The following CRYL1 variants were observed in gnomAD, a reference collection of about 807,000 sequenced individuals.
CRYL1 encodes the protein crystallin lambda 1.
In CRYL1, 29 loss-of-function variants were observed where a neutral mutation model predicts 36.6. That is an observed-to-expected ratio of 0.79 (90% CI 0.59 to 1.08). The LOEUF (loss-of-function observed/expected upper bound fraction) is 1.08, where lower values mean the gene tolerates loss of function less well. Ranked by LOEUF, CRYL1 falls within the 50% of genes least tolerant of loss-of-function variation. The pLI, the probability that CRYL1 is intolerant of heterozygous loss-of-function variation, is 0.00. For synonymous variants in CRYL1, 152 were observed against 151.5 expected, an observed-to-expected ratio of 1.00 and a Z score of -0.02; for missense variants, 411 against 407.9, an observed-to-expected ratio of 1.01 and a Z score of -0.06.
chr13:20,473,548 C>T (rs1263978850), intron 3 of CRYL1, among the ~76,000 whole-genome samples: 8 of 152,162 alleles, frequency 5.3e-5, no homozygotes, highest in African/African-American at 1.9e-4. Context: ...GGATGGCGCT[C>T]CAAAGTAGAG....
intron 3 of CRYL1, among the ~76,000 whole-genome samples, chr13:20,442,090 CAAAGCCAGAGACG>C (rs1196991288): frequency 6.6e-6 from 1 of 152,170 alleles, no homozygotes; most frequent in Non-Finnish European, 1.5e-5. Flanking sequence ...AGCCTTGTAG[CAAAGCCAGAGACG>C]AAGAATGATG....
chr13:20,506,725 T>C (rs963723546), intron 2 of CRYL1, among the ~76,000 whole-genome samples: 6 of 152,168 alleles, frequency 3.9e-5, no homozygotes, highest in Non-Finnish European at 7.4e-5. Context: ...TGGGTTGGAA[T>C]TGGCTTTACA....
At chr13:20,456,529 T>A in intron 3 of CRYL1, among the ~76,000 whole-genome samples, 1 of 149,474 alleles carries the variant, frequency 6.7e-6, no homozygotes, top group African/African-American at 2.5e-5. Context: ...GGCAGGAGGA[T>A]TGCTTGAGCC....
intron 3 of CRYL1, among the ~76,000 whole-genome samples, chr13:20,460,692 A>AT (rs562232366): frequency 2.0e-5 from 3 of 151,490 alleles, no homozygotes; most frequent in Admixed American, 6.6e-5. Flanking sequence ...CGCCCGGCTA[A>AT]TTTTTTGTAT....
In CRYL1 at chr13:20,415,367, C is replaced by A. The variant is rs1301090371; in HGVS notation, c.634-1980G>T. 1.3e-5 allele frequency among the ~76,000 whole-genome samples: 2 copies of A among 152,114 alleles called. No homozygotes were observed. The highest frequency in any genetic ancestry group is 2.9e-5 in the Non-Finnish European group (2 of 67,986). ...GAGAAGCGAGAAAAGGGGTTCGAAA[C>A]CCCCGCCGTGCCCCGCAACCGGCTG... On this transcript the variant is annotated intron_variant, in intron 5 of 7. Coordinates refer to ENST00000298248, the MANE Select transcript of CRYL1 (RefSeq NM_015974.3). This position sits in a 1 kb window ranked among gnomAD's most constrained non-coding sequence, Gnocchi z 4.1.
At position 20,525,458 on chromosome 13, in the gene CRYL1, T is replaced by C. The variant is rs1315056062; in HGVS notation, c.41+296A>G. Among the ~76,000 whole-genome samples, 2 of 151,876 alleles carry C rather than the reference T, an allele frequency of 1.3e-5. No individual in the cohort carries two copies. Among genetic ancestry groups the C allele is most frequent in the Non-Finnish European group, 2.9e-5 (2 of 67,974 alleles). Reference sequence around the variant, plus strand: ...GCAGACGCGGCGACATTCAACAGAGTCCAGGAACCGCAGGCCCCGCGGCCT... The same window carrying C: ...GCAGACGCGGCGACATTCAACAGAGCCCAGGAACCGCAGGCCCCGCGGCCT... On this transcript the variant is annotated intron_variant, in intron 1 of 7. Transcript: ENST00000298248. This position sits in a 1 kb window ranked among gnomAD's most constrained non-coding sequence, Gnocchi z 4.3.
chr13:20,489,522 T>A, intron 2 of CRYL1, 26 bp from the exon 3 acceptor site: 1 of 1,610,828 alleles, frequency 6.2e-7, no homozygotes, highest in Non-Finnish European at 8.5e-7. Context: ...GAAGGATCAC[T>A]GTGAGTATTC....
In CRYL1 at chr13:20,508,569, G is replaced by A. The variant is rs148855448; in HGVS notation, c.149+3874C>T. Among the ~76,000 whole-genome samples, 327 of 151,692 alleles carry A rather than the reference G, an allele frequency of 2.2e-3. 2 individuals are homozygous for A. The highest frequency in any genetic ancestry group is 0.014 in the Middle Eastern group (4 of 294). On this transcript the variant is annotated intron_variant, in intron 2 of 7. Coordinates refer to ENST00000298248, the MANE Select transcript of CRYL1 (RefSeq NM_015974.3). ...ATGCCTTTTAAAAACATTTTGGGCT[G>A]GGTGCAGTGGCTCACGCCTGTAATC...
chr13:20,495,268 A>G (rs1199149854), intron 2 of CRYL1, among the ~76,000 whole-genome samples: 1 of 152,216 alleles, frequency 6.6e-6, no homozygotes, highest in East Asian at 1.9e-4. Flanking sequence ...AGTTAACGTC[A>G]GGTTAGAGGC....
chr13:20,410,258 C>T (rs1593425856), intron 6 of CRYL1, among the ~76,000 whole-genome samples: 1 of 149,236 alleles, frequency 6.7e-6, no homozygotes, highest in African/African-American at 2.5e-5. Flanking sequence ...TGGAAATCAT[C>T]ATTCTCAGTA....
rs57209647 is a variant in CRYL1 at position 20,466,682 on chromosome 13, CTG to C, written c.276+22686_276+22687del. Among the ~76,000 whole-genome samples the C allele has an allele frequency of 7.3e-3, 942 of 129,568 alleles. 5 individuals carry two copies. The highest frequency in any genetic ancestry group is 0.022 in the African/African-American group (863 of 38,794). 85.0% of individuals were successfully genotyped at this position (129,568 alleles called of 152,430 possible). A position where few individuals can be genotyped will look rare whatever the true frequency, so the allele number is the denominator to read the frequency against. ...AACTGGTATATTACTTTGGAAAACT[CTG>C]TGTGTGTGTGTGTGTGTGTGTGTGT... On this transcript the variant is annotated intron_variant, in intron 3 of 7. Transcript: ENST00000298248.
intron 3 of CRYL1, among the ~76,000 whole-genome samples, chr13:20,477,393 G>A (rs1235641760): frequency 6.6e-6 from 1 of 151,216 alleles, no homozygotes; most frequent in South Asian, 2.1e-4. Flanking sequence ...ACTGTTTTAG[G>A]TGTTGGAGAA....
At position 20,435,988 on chromosome 13, in the gene CRYL1, G is replaced by A. The variant is rs1318749293; in HGVS notation, c.438+3605C>T. On this transcript the variant is annotated intron_variant, in intron 4 of 7. Coordinates refer to ENST00000298248, the MANE Select transcript of CRYL1 (RefSeq NM_015974.3). This position sits in a 1 kb window ranked among gnomAD's most constrained non-coding sequence, Gnocchi z 4.0. ...GGCAGCTCGGAGCGGCCGCAGGGCC[G>A]TGCAGATGTGCAAAGAGACGCACAG... is the stretch of plus-strand genomic sequence containing the variant. Among the ~76,000 whole-genome samples, 1 of 152,202 alleles carries A rather than the reference G, an allele frequency of 6.6e-6. No individual in the cohort carries two copies. Among genetic ancestry groups the A allele is most frequent in the Non-Finnish European group, 1.5e-5 (1 of 68,036 alleles).
chr13:20,456,822 G>T (rs1156355829), intron 3 of CRYL1, among the ~76,000 whole-genome samples: 2 of 151,964 alleles, frequency 1.3e-5, no homozygotes, highest in African/African-American at 4.8e-5. Flanking sequence ...CTCTGGGAGA[G>T]AGTGGATATG....
chr13:20,512,018 G>A (rs1452426489), intron 2 of CRYL1, among the ~76,000 whole-genome samples: 1 of 152,168 alleles, frequency 6.6e-6, no homozygotes, highest in African/African-American at 2.4e-5. Flanking sequence ...TTTCATTTGG[G>A]TCCTACCATT....
chr13:20,514,887 C>T (rs2033974256), intron 1 of CRYL1, among the ~76,000 whole-genome samples: 1 of 151,302 alleles, frequency 6.6e-6, no homozygotes, highest in Non-Finnish European at 1.5e-5. Flanking sequence ...TAGGTATCTA[C>T]CCAACAGAAA....
At chr13:20,427,073 AG>A in intron 5 of CRYL1, 1 of 985,506 alleles carries the variant, frequency 1.0e-6, no homozygotes, top group Non-Finnish European at 1.2e-6. Flanking sequence ...AAGAATTTAC[AG>A]GCAACAAACT....
At chr13:20,478,138 A>T (rs1565977651) in intron 3 of CRYL1, among the ~76,000 whole-genome samples, 1 of 151,886 alleles carries the variant, frequency 6.6e-6, no homozygotes, top group Non-Finnish European at 1.5e-5. Context: ...ATAGTTGCTA[A>T]AGTGTTTACT....
At chr13:20,439,545 A>C (rs1409730916) in intron 4 of CRYL1, 48 bp downstream of exon 4, 4 of 1,361,306 alleles carry the variant, frequency 2.9e-6, no homozygotes, top group South Asian at 1.6e-5. Flanking sequence ...AAAAAAAAAC[A>C]CAGAATGAGA....
Sources: allele counts gnomAD v4.1 joint callset (sites outside exome capture counted in the v4.1 genomes callset), GRCh38; gene constraint gnomAD v4.1.1; non-coding constraint Gnocchi (gnomAD v3.1); transcripts MANE v1.5; gene names NCBI Gene and HGNC (gene_info 2026-07-23, HGNC 2026-07-21).